XRN2: variants seen among roughly 807,000 people sequenced by gnomAD.
XRN2 encodes 5'-3' exoribonuclease 2, also known as DHM1-like protein.
A neutral mutation model predicts 138.5 loss-of-function variants in XRN2; 44 were observed. The ratio of observed to expected loss-of-function variants is 0.32; its 90% CI spans 0.25 to 0.41. The LOEUF is 0.41. Among genes scored for constraint, XRN2 ranks in the 10% least tolerant of loss-of-function variants. XRN2 has a pLI of 1.00. For synonymous variants in XRN2, 354 were observed against 369.4 expected (o/e 0.96, Z 0.48); for missense variants, 937 against 1,169.3 (o/e 0.80, Z 2.90).
intron 27 of XRN2, among the ~76,000 whole-genome samples, chr20:21,372,232 C>T (rs2038771679): frequency 6.6e-6 from 1 of 152,090 alleles, no homozygotes; most frequent in African/African-American, 2.4e-5. Flanking sequence ...TTTCAAAGGG[C>T]ACAGGAATGG....
intron 29 of XRN2, among the ~76,000 whole-genome samples, chr20:21,387,339 C>T (rs1436700755): frequency 6.6e-6 from 1 of 151,742 alleles, no homozygotes; most frequent in Admixed American, 6.6e-5. Flanking sequence ...CTAGATCCCT[C>T]TTAATGGGTG....
chr20:21,315,379 C>T (rs1198750047), intron 1 of XRN2, among the ~76,000 whole-genome samples: 4 of 152,182 alleles, frequency 2.6e-5, no homozygotes, highest in African/African-American at 9.7e-5. Context: ...CGTGGTATCT[C>T]CTGTGGTTTT....
intron 26 of XRN2, among the ~76,000 whole-genome samples, chr20:21,366,209 T>A (rs2038700496): frequency 7.6e-6 from 1 of 131,880 alleles, no homozygotes. Context: ...TTTATATATA[T>A]AATATAGTTT....
intron 24 of XRN2, among the ~76,000 whole-genome samples, chr20:21,358,065 AAAG>A (rs2038596658): frequency 6.6e-6 from 1 of 152,174 alleles, no homozygotes; most frequent in East Asian, 1.9e-4. Flanking sequence ...AGTGGGAGGT[AAAG>A]AGTAGGAGTA....
chr20:21,352,184 C>T (rs1392924971), intron 20 of XRN2, among the ~76,000 whole-genome samples: 1 of 152,090 alleles, frequency 6.6e-6, no homozygotes, highest in East Asian at 1.9e-4. Flanking sequence ...CAGTTTCTTC[C>T]TCATACATGT....
At chr20:21,379,134 C>T (rs1007552221) in intron 27 of XRN2, among the ~76,000 whole-genome samples, 2 of 152,064 alleles carry the variant, frequency 1.3e-5, no homozygotes, top group Admixed American at 6.5e-5. Context: ...AAGCTATTGG[C>T]GAAGCTTGGT....
intron 13 of XRN2, among the ~76,000 whole-genome samples, chr20:21,338,272 A>G (rs751716163): frequency 6.6e-6 from 1 of 152,170 alleles, no homozygotes; most frequent in Admixed American, 6.5e-5. Flanking sequence ...AAACTTGGGC[A>G]TGGTTATGGG....
intron 17 of XRN2, among the ~76,000 whole-genome samples, chr20:21,347,288 C>A (rs2038448692): frequency 2.0e-5 from 3 of 152,164 alleles, no homozygotes; most frequent in Non-Finnish European, 4.4e-5. Context: ...AGTGATGATA[C>A]ATGAAGCACA....
intron 28 of XRN2, 95 bp from the exon 29 acceptor site, chr20:21,386,773 A>G: frequency 6.8e-7 from 1 of 1,470,358 alleles, no homozygotes; most frequent in East Asian, 2.3e-5. Flanking sequence ...GGTAAATTGG[A>G]TTGTACTAAA....
chr20:21,314,387 GTTTTA>G (rs1600671242), intron 1 of XRN2, among the ~76,000 whole-genome samples: 1 of 152,318 alleles, frequency 6.6e-6, no homozygotes, highest in Non-Finnish European at 1.5e-5. Flanking sequence ...GAATAATGCT[GTTTTA>G]AACATTCATG....
chr20:21,384,101 T>C (rs1032323398), intron 28 of XRN2, among the ~76,000 whole-genome samples: 9 of 152,206 alleles, frequency 5.9e-5, no homozygotes, highest in Non-Finnish European at 1.2e-4. Flanking sequence ...TAAGATGGTA[T>C]GTATAATCCA....
intron 1 of XRN2, among the ~76,000 whole-genome samples, chr20:21,315,963 A>G (rs948240623): frequency 6.6e-6 from 1 of 152,238 alleles, no homozygotes; most frequent in African/African-American, 2.4e-5. Context: ...ATAAAAGTTT[A>G]AAATTTTGTC....
intron 21 of XRN2, among the ~76,000 whole-genome samples, chr20:21,355,576 A>T (rs913252562): frequency 1.1e-4 from 17 of 152,140 alleles, no homozygotes; most frequent in Admixed American, 2.0e-4. Context: ...ATCTTGCAGT[A>T]TATTCATACG....
At chr20:21,335,594 T>A (rs541166092) in intron 13 of XRN2, among the ~76,000 whole-genome samples, 1 of 152,348 alleles carries the variant, frequency 6.6e-6, no homozygotes, top group African/African-American at 2.4e-5. Context: ...TTTTTGCATA[T>A]AGAATTCAAA....
chr20:21,348,362 A>C lies in XRN2; in HGVS notation c.1795A>C (p.Met599Leu), dbSNP rs2038464833. 6.2e-7 allele frequency: 1 copy of C among 1,613,998 alleles called. No homozygotes were observed. The highest frequency in any genetic ancestry group is 8.5e-7 in the Non-Finnish European group (1 of 1,180,014). Residue 599 changes from methionine (M) to leucine (L), a missense_variant, in exon 19 of 30, where the codon ATG becomes CTG. Transcript: ENST00000377191. Reference sequence around the variant, plus strand: ...TCAGTTTAAACCACTAGAACAACTTATGGGGGTATTTCCAGCTGCAAGTGG... The same window carrying C: ...TCAGTTTAAACCACTAGAACAACTTCTGGGGGTATTTCCAGCTGCAAGTGG... ...TKPFKPLEQL[M>L]GVFPAASGNF...
At chr20:21,373,826 GTCTA>G (rs2038788659) in intron 27 of XRN2, among the ~76,000 whole-genome samples, 1 of 152,036 alleles carries the variant, frequency 6.6e-6, no homozygotes, top group Non-Finnish European at 1.5e-5. Flanking sequence ...AAATTGGGTT[GTCTA>G]TCTTTTTGTT....
chr20:21,324,757 C>A (rs775248052), intron 1 of XRN2, among the ~76,000 whole-genome samples: 1 of 152,142 alleles, frequency 6.6e-6, no homozygotes, highest in Non-Finnish European at 1.5e-5. Flanking sequence ...CCTCAGCTTC[C>A]GAAGTAGCTG....
At position 21,326,748 on chromosome 20, in the gene XRN2, T is replaced by C. The variant is rs1045956971; in HGVS notation, c.315+147T>C. On this transcript the variant is annotated intron_variant, in intron 3 of 29. Transcript: ENST00000377191. Reference sequence around the variant, plus strand: ...CTCATCCTTCAGTCATTCATTCAGATGTTTTTTTGTGTGTGTGTTTTGTGC... The same window carrying C: ...CTCATCCTTCAGTCATTCATTCAGACGTTTTTTTGTGTGTGTGTTTTGTGC... 2.0e-5 allele frequency: 14 copies of C among 682,976 alleles called. No individual in the cohort carries two copies. The Admixed American group carries it at 3.5e-4, about 17-fold the overall frequency. 42.3% of individuals were successfully genotyped at this position (682,976 alleles called of 1,614,324 possible).
In XRN2 at chr20:21,389,417, G is replaced by A. The variant is rs2038966647; in HGVS notation, c.*79G>A. 2 of 1,381,886 alleles carry A rather than the reference G, an allele frequency of 1.4e-6. No homozygotes were observed. Among genetic ancestry groups the A allele is most frequent in the Admixed American group, 2.2e-5 (1 of 46,330 alleles). The allele number at this position is 1,381,886 out of a possible 1,614,324, so 85.6% of individuals were successfully genotyped here. The stretch of plus-strand genomic sequence containing the variant: ...TGTGGAAAGATTTCTTTCTCAAGTA[G>A]TAGTTTTTAATAAAACTACAGTACT... On this transcript the variant is annotated 3_prime_UTR_variant, in exon 30 of 30. Coordinates refer to ENST00000377191, the MANE Select transcript of XRN2 (RefSeq NM_012255.5).
Sources: gnomAD v4.1 joint callset for allele counts (sites outside exome capture counted in the v4.1 genomes callset) on GRCh38, gnomAD v4.1.1 for gene constraint, MANE v1.5 for transcripts, NCBI Gene and HGNC (gene_info 2026-07-23, HGNC 2026-07-21) for gene names.